The following NPC1 variants were observed in gnomAD, a reference collection of about 807,000 sequenced individuals.
The protein encoded by NPC1 is NPC intracellular cholesterol transporter 1.
A neutral mutation model predicts 140.4 loss-of-function variants in NPC1; 85 were observed. The ratio of observed to expected loss-of-function variants is 0.61; its 90% CI spans 0.51 to 0.72. The LOEUF is 0.72. Ranked by LOEUF, NPC1 falls within the 30% of genes least tolerant of loss-of-function variation. The pLI, the probability that NPC1 is intolerant of heterozygous loss-of-function variation, is 0.00. For synonymous variants in NPC1, 656 were observed against 624.8 expected (o/e 1.05, Z -0.74); for missense variants, 1,504 against 1,623.8 (o/e 0.93, Z 1.27).
chr18:23,571,582 G>A (rs1425114657), intron 3 of NPC1, among the ~76,000 whole-genome samples: 15 of 151,982 alleles, frequency 9.9e-5, no homozygotes, highest in South Asian at 4.1e-4. Context: ...GCTTGAACCC[G>A]GGAGGAGGTT....
rs1169334723 is a variant in NPC1, at chr18:23,547,869, A to AT, written c.1757+136dup. The AT allele has an allele frequency of 3.9e-6, 3 of 767,330 alleles. No homozygotes were observed. The African/African-American group carries it at 5.1e-5, about 13-fold the overall frequency. The allele number at this position is 767,330 out of a possible 1,614,324, so 47.5% of individuals were successfully genotyped here. A position where few individuals can be genotyped will look rare whatever the true frequency, so the allele number is the denominator to read the frequency against. On this transcript the variant is annotated intron_variant, in intron 11 of 24. Transcript: ENST00000269228. ...GTGTTTACAGTTTCTTCTTAGCATC[A>AT]TTAGTACCAAGTGAACAAAACTACG...
At chr18:23,543,622 G>A (rs1364259641) in intron 13 of NPC1, 53 bp from the exon 14 acceptor site, 43 of 1,011,530 alleles carry the variant, frequency 4.3e-5, no homozygotes, top group East Asian at 1.9e-4. Flanking sequence ...CAATAACAAC[G>A]CCATTTCTTG....
In NPC1 at chr18:23,546,248, C is replaced by CAAAAAA. The variant is rs60021403; in HGVS notation, c.1758-1105_1758-1100dup. On this transcript the variant is annotated intron_variant, in intron 11 of 24. Coordinates refer to ENST00000269228, the MANE Select transcript of NPC1 (RefSeq NM_000271.5). Reference sequence around the variant, plus strand: ...TGGATGACACAGCAAGACTCTGTCTCAAAAAAAAAAAAAAAAAAAAAAAAA... The same window carrying CAAAAAA: ...TGGATGACACAGCAAGACTCTGTCTCAAAAAAAAAAAAAAAAAAAAAAAAAAAAAAA... Among the ~76,000 whole-genome samples, 43 of 45,590 alleles carry CAAAAAA rather than the reference C, an allele frequency of 9.4e-4. 1 individual carries two copies. The highest frequency in any genetic ancestry group is 2.1e-3 in the East Asian group (2 of 956). 29.9% of individuals were successfully genotyped at this position (45,590 alleles called of 152,430 possible).
chr18:23,561,902 C>G (rs1217754195), intron 4 of NPC1, among the ~76,000 whole-genome samples: 1 of 152,162 alleles, frequency 6.6e-6, no homozygotes, highest in Admixed American at 6.5e-5. Context: ...AAAGCTGGTT[C>G]CAGAAAACCT....
chr18:23,519,809 G>A (rs765695239), downstream of NPC1, among the ~76,000 whole-genome samples: 2 of 152,114 alleles, frequency 1.3e-5, no homozygotes, highest in Non-Finnish European at 2.9e-5. Flanking sequence ...AGGCCGTGTG[G>A]ACCAGGACAA....
chr18:23,508,021 G>A, intron 3 of NPC1: 1 of 1,610,908 alleles, frequency 6.2e-7, no homozygotes, highest in Non-Finnish European at 8.5e-7. Context: ...TTCCCAGCTG[G>A]AATACACACA....
At chr18:23,578,946 T>C (rs914465954) in intron 1 of NPC1, among the ~76,000 whole-genome samples, 2 of 152,242 alleles carry the variant, frequency 1.3e-5, no homozygotes, top group African/African-American at 2.4e-5. Flanking sequence ...CTGGTGCAGA[T>C]GCCTGCCGCT....
chr18:23,557,017 ACAC>A, intron 7 of NPC1, 97 bp downstream of exon 7: 1 of 995,764 alleles, frequency 1.0e-6, no homozygotes, highest in Non-Finnish European at 1.6e-6. Context: ...CGGCACTGGC[ACAC>A]CACCTCACCC....
chr18:23,508,251 G>A (rs1223764234), intron 3 of NPC1, among the ~76,000 whole-genome samples: 1 of 152,172 alleles, frequency 6.6e-6, no homozygotes, highest in South Asian at 2.1e-4. Context: ...TGGAGGGGGA[G>A]GGTTCAATGG....
In NPC1 at chr18:23,539,467, G is replaced by A. The variant is rs759606859; in HGVS notation, c.2799C>T (p.Thr933=). 3 of 1,609,434 alleles carry A rather than the reference G, an allele frequency of 1.9e-6. No homozygotes were observed. In the African/African-American group the frequency reaches 4.0e-5, roughly 22 times the overall value. ...IFNAAQLDNY[T]RIGFAPSSWI... is the part of the protein sequence containing the mutation. The stretch of plus-strand genomic sequence containing the variant: ...AGGACGAGGGGGCGAAGCCTATTCG[G>A]GTACTAGAGAGGACAGACAGGGTTA... The change falls in exon 19 of 25, where the codon ACC becomes ACT. Residue 933 remains threonine (T), a synonymous_variant. Transcript: ENST00000269228.
At chr18:23,514,479 C>T (rs762328984) in intron 3 of NPC1, among the ~76,000 whole-genome samples, 156 of 151,992 alleles carry the variant, frequency 1.0e-3, no homozygotes, top group African/African-American at 3.6e-3. Context: ...ATCCCTTGAA[C>T]GTGGGAGGTG....
rs1555634657 is a variant in NPC1, at chr18:23,544,947, C to CG, written c.1947+12_1947+13insC. The CG allele has an allele frequency of 4.9e-5, 66 of 1,359,588 alleles. 5 individuals carry two copies. The highest frequency in any genetic ancestry group is 1.8e-4 in the Middle Eastern group (1 of 5,618). The allele number at this position is 1,359,588 out of a possible 1,614,324, so 84.2% of individuals were successfully genotyped here. A position where few individuals can be genotyped will look rare whatever the true frequency, so the allele number is the denominator to read the frequency against. On this transcript the variant is annotated intron_variant, in intron 12 of 24. Transcript: ENST00000269228. The stretch of plus-strand genomic sequence containing the variant: ...TTAACCTCTAGAACATACACCACCC[C>CG]CCCCCGGCTTACCAGAAGCCTGCGA...
Position 23,556,375 on chromosome 18 carries a change from G to T in NPC1, c.1194C>A (p.His398Gln). The T allele has an allele frequency of 6.2e-7, 1 of 1,614,170 alleles. No individual in the cohort carries two copies. ...ARLEKEYFDQ[H>Q]FGPFFRTEQL... ...GCTCCGTCCGGAAGAAAGGCCCAAA[G>T]TGCTGGTCAAAGTACTCTTTTTCCA... is the stretch of plus-strand genomic sequence containing the variant. The change falls in exon 8 of 25, where the codon CAC becomes CAA. Residue 398 changes from histidine (H) to glutamine (Q), a missense_variant. By Grantham distance (24) the His-to-Gln change is conservative. Transcript: ENST00000269228.
rs923119465 is a variant in NPC1 at position 23,560,582 on chromosome 18, A to G, written c.632-102T>C. 5.0e-6 allele frequency: 6 copies of G among 1,188,704 alleles called. No individual in the cohort carries two copies. The African/African-American group carries it at 7.7e-5, about 15-fold the overall frequency. The allele number at this position is 1,188,704 out of a possible 1,614,324, so 73.6% of individuals were successfully genotyped here. Reference sequence around the variant, plus strand: ...AAAAGCCCACTGAAATACATAAAACAACTGAAAGAAGAAAAAGAATTGGAG... The same window carrying G: ...AAAAGCCCACTGAAATACATAAAACGACTGAAAGAAGAAAAAGAATTGGAG... On this transcript the variant is annotated intron_variant, in intron 5 of 24. Transcript: ENST00000269228.
rs556244921 is a variant in NPC1, at chr18:23,560,366, G to A, written c.746C>T (p.Pro249Leu). The A allele has an allele frequency of 6.2e-7, 1 of 1,614,202 alleles. No individual in the cohort carries two copies. Among genetic ancestry groups the A allele is most frequent in the Non-Finnish European group, 8.5e-7 (1 of 1,180,042 alleles). ...SCQDCSIVCGPKPQPPPPPAP... is the reference protein window; with the variant it reads ...SCQDCSIVCGLKPQPPPPPAP... ...AGGAGGAGGTGGGGGCTGGGGCTTG[G>A]GGCCACAGACAATAGAGCAGTCTTG... Residue 249 changes from proline (P) to leucine (L), a missense_variant, in exon 6 of 25, where the codon CCC becomes CTC. Transcript: ENST00000269228.
chr18:23,555,261 T>C (rs907314427), intron 8 of NPC1, among the ~76,000 whole-genome samples: 1 of 152,148 alleles, frequency 6.6e-6, no homozygotes, highest in Non-Finnish European at 1.5e-5. Flanking sequence ...CACACAACCA[T>C]CTCCCCTCCA....
At chr18:23,552,276 G>A (rs2058883886) in intron 9 of NPC1, among the ~76,000 whole-genome samples, 1 of 151,876 alleles carries the variant, frequency 6.6e-6, no homozygotes, top group African/African-American at 2.4e-5. Flanking sequence ...GGACAACATA[G>A]CAAGATCCCA....
Position 23,554,951 on chromosome 18 carries a change from T to TA in NPC1, c.1359dup (p.Thr454TyrfsTer5). On this transcript the variant is annotated frameshift_variant, in exon 9 of 25. Coordinates refer to ENST00000269228, the MANE Select transcript of NPC1 (RefSeq NM_000271.5). LOFTEE classifies it high-confidence loss of function. The stretch of plus-strand genomic sequence containing the variant: ...ACAGTCTCATTGTCATAAGAGGCAG[T>TA]AATGTTTTCGATGGCTATTTGTAAG... 6.2e-7 allele frequency: 1 copy of TA among 1,613,860 alleles called. No individual in the cohort carries two copies.
intron 10 of NPC1, 69 bp from the exon 11 acceptor site, chr18:23,548,177 G>GA (rs1307480778): frequency 1.0e-5 from 9 of 882,550 alleles, no homozygotes; most frequent in Admixed American, 5.1e-5. Context: ...CATACCAGGG[G>GA]AAAAATCACA....
Sources: allele counts gnomAD v4.1 joint callset (sites outside exome capture counted in the v4.1 genomes callset), GRCh38; gene constraint gnomAD v4.1.1; transcripts MANE v1.5; gene names NCBI Gene and HGNC (gene_info 2026-07-23, HGNC 2026-07-21).